PLPP3: variants seen among roughly 807,000 people sequenced by gnomAD.
The protein encoded by PLPP3 is PAP2 beta.
A neutral mutation model predicts 29.6 loss-of-function variants in PLPP3; 6 were observed. The observed-to-expected ratio is 0.20, with a 90% CI of 0.11 to 0.40. The LOEUF (loss-of-function observed/expected upper bound fraction) is 0.40, where lower values mean the gene tolerates loss of function less well. Ranked by LOEUF, PLPP3 falls within the 10% of genes least tolerant of loss-of-function variation. The pLI is 1.00. For missense variants in PLPP3, 308 were observed against 407.7 expected (o/e 0.76, Z 2.11); for synonymous variants, 152 against 159.7 (o/e 0.95, Z 0.36).
chr1:56,542,856 T>C (rs1645979406), intron 1 of PLPP3, among the ~76,000 whole-genome samples: 1 of 151,894 alleles, frequency 6.6e-6, no homozygotes, highest in Admixed American at 6.6e-5. Flanking sequence ...ACTCCGTCTC[T>C]ACCAAAAAAA....
intron 4 of PLPP3, among the ~76,000 whole-genome samples, chr1:56,520,482 G>T (rs1460299597): frequency 6.6e-6 from 1 of 152,132 alleles, no homozygotes; most frequent in African/African-American, 2.4e-5. Flanking sequence ...AGCCCTGGGG[G>T]AGGGTCTAAG....
intron 2 of PLPP3, among the ~76,000 whole-genome samples, chr1:56,533,761 T>G (rs1309557661): frequency 6.6e-6 from 1 of 152,184 alleles, no homozygotes; most frequent in African/African-American, 2.4e-5. Flanking sequence ...TTGTGACCAA[T>G]TTATAGAAAA....
intron 4 of PLPP3, among the ~76,000 whole-genome samples, chr1:56,522,216 A>G (rs1342037750): frequency 6.6e-6 from 1 of 152,206 alleles, no homozygotes; most frequent in Non-Finnish European, 1.5e-5. Flanking sequence ...AATGTCACAG[A>G]GTAAGTAGAT....
At chr1:56,533,615 A>G (rs1645905541) in intron 2 of PLPP3, among the ~76,000 whole-genome samples, 1 of 152,132 alleles carries the variant, frequency 6.6e-6, no homozygotes, top group African/African-American at 2.4e-5. Context: ...TACCAGGTGC[A>G]AAGAAGAGCG....
intron 1 of PLPP3, among the ~76,000 whole-genome samples, chr1:56,555,452 A>AAC (rs1311920896): frequency 2.0e-5 from 3 of 147,388 alleles, no homozygotes; most frequent in Non-Finnish European, 4.5e-5. Context: ...AAAAAAAAAA[A>AAC]AAAAAAAACA....
chr1:56,575,197 A>G (rs758212375), intron 1 of PLPP3, among the ~76,000 whole-genome samples: 12 of 152,350 alleles, frequency 7.9e-5, no homozygotes, highest in Non-Finnish European at 1.5e-4. Context: ...GCAGGTGGAA[A>G]AAAACTGAGA....
chr1:56,538,485 C>T (rs1645943853), intron 1 of PLPP3: 2 of 443,068 alleles, frequency 4.5e-6, no homozygotes, highest in South Asian at 1.8e-5. Flanking sequence ...GAGAGGCACC[C>T]GATAGATGTT....
chr1:56,557,106 G>A (rs1352099997), intron 1 of PLPP3, among the ~76,000 whole-genome samples: 1 of 149,896 alleles, frequency 6.7e-6, no homozygotes, highest in South Asian at 2.1e-4. Flanking sequence ...GAGGCTGGGT[G>A]CGGTGGCTCA....
intron 4 of PLPP3, among the ~76,000 whole-genome samples, chr1:56,520,403 C>T (rs1402261823): frequency 1.3e-5 from 2 of 152,098 alleles, no homozygotes. Context: ...AACAAAAAAA[C>T]AGCACTGGGT....
chr1:56,559,825 G>A (rs1235908239), intron 1 of PLPP3, among the ~76,000 whole-genome samples: 1 of 152,048 alleles, frequency 6.6e-6, no homozygotes, highest in East Asian at 1.9e-4. Flanking sequence ...TGGAAAATGG[G>A]GATGAGGAAG....
intron 4 of PLPP3, among the ~76,000 whole-genome samples, chr1:56,521,670 G>A (rs916804806): frequency 3.7e-4 from 56 of 151,662 alleles, no homozygotes; most frequent in Non-Finnish European, 7.4e-5. Flanking sequence ...CTTAAGTGCC[G>A]AGATTACAGG....
intron 1 of PLPP3, among the ~76,000 whole-genome samples, chr1:56,569,253 A>G (rs1406354757): frequency 9.2e-5 from 14 of 151,626 alleles, no homozygotes; most frequent in Non-Finnish European, 1.8e-4. Context: ...GCTCACTGCA[A>G]CCTCTGCCTC....
chr1:56,498,460 T>C (rs1346583796), intron 5 of PLPP3, among the ~76,000 whole-genome samples: 1 of 148,592 alleles, frequency 6.7e-6, no homozygotes. Context: ...CAGCCCCAGC[T>C]CCACATTTTC....
chr1:56,520,208 G>C (rs1458538966), intron 4 of PLPP3, among the ~76,000 whole-genome samples: 1 of 152,214 alleles, frequency 6.6e-6, no homozygotes, highest in Non-Finnish European at 1.5e-5. Flanking sequence ...CCACTTTCCA[G>C]ATGAGTATGC....
Position 56,579,250 on chromosome 1 carries a change from T to C in PLPP3, c.-234A>G. ...GCTTTCCTCTGTCAACCCTAAATCGTTCTAAAGTCCAAGGGGAAGAGAGCC... is the reference window on the plus strand; with the variant it reads ...GCTTTCCTCTGTCAACCCTAAATCGCTCTAAAGTCCAAGGGGAAGAGAGCC... On this transcript the variant is annotated 5_prime_UTR_variant, in exon 1 of 6. Transcript: ENST00000371250. The C allele has an allele frequency of 2.0e-6, 1 of 505,400 alleles. No homozygotes were observed. Among genetic ancestry groups the C allele is most frequent in the Non-Finnish European group, 3.4e-6 (1 of 293,090 alleles). 31.3% of individuals were successfully genotyped at this position (505,400 alleles called of 1,614,324 possible).
intron 2 of PLPP3, among the ~76,000 whole-genome samples, chr1:56,528,715 A>G (rs550018463): frequency 6.6e-6 from 1 of 151,862 alleles, no homozygotes; most frequent in East Asian, 1.9e-4. Flanking sequence ...TGTAGAGAGT[A>G]TCTCTTCCAA....
At chr1:56,500,695 G>A (rs1197049385) in intron 5 of PLPP3, among the ~76,000 whole-genome samples, 1 of 152,136 alleles carries the variant, frequency 6.6e-6, no homozygotes, top group African/African-American at 2.4e-5. Context: ...CAACATGTTG[G>A]AAAGACCTGC....
rs764816599 is a variant in PLPP3 at position 56,495,047 on chromosome 1, GAC to G, written c.*1502_*1503del. 1.3e-4 allele frequency: 20 copies of G among 152,478 alleles called. No individual in the cohort carries two copies. The highest frequency in any genetic ancestry group is 2.0e-4 in the Admixed American group (3 of 15,260). The allele number at this position is 152,478 out of a possible 1,614,324, so 9.4% of individuals were successfully genotyped here. On this transcript the variant is annotated 3_prime_UTR_variant, in exon 6 of 6. Coordinates refer to ENST00000371250, the MANE Select transcript of PLPP3 (RefSeq NM_003713.5). ...AGCTAATGTAAATAACACAGGTCGA[GAC>G]ACAGTTTATAATCATAGTGGATATA...
At position 56,579,315 on chromosome 1, in the gene PLPP3, G is replaced by T; in HGVS notation, c.-299C>A. 1 of 355,228 alleles carries T rather than the reference G, an allele frequency of 2.8e-6. No homozygotes were observed. The highest frequency in any genetic ancestry group is 5.4e-5 in the Admixed American group (1 of 18,436). 22.0% of individuals were successfully genotyped at this position (355,228 alleles called of 1,614,324 possible). On this transcript the variant is annotated 5_prime_UTR_variant, in exon 1 of 6. Transcript: ENST00000371250. Reference sequence around the variant, plus strand: ...AACTTTTGCAGAGCTGCGCAGCTTGGGGCGCGCTGTTGTGGCGCGCGTCTG... The same window carrying T: ...AACTTTTGCAGAGCTGCGCAGCTTGTGGCGCGCTGTTGTGGCGCGCGTCTG...
Sources: gnomAD v4.1 joint callset for allele counts (sites outside exome capture counted in the v4.1 genomes callset) on GRCh38, gnomAD v4.1.1 for gene constraint, MANE v1.5 for transcripts, NCBI Gene and HGNC (gene_info 2026-07-23, HGNC 2026-07-21) for gene names.